The following DZIP3 variants were observed in gnomAD, a reference collection of about 807,000 sequenced individuals.
The protein encoded by DZIP3 is DAZ interacting zinc finger protein 3, also known as E3 ubiquitin-protein ligase DZIP3.
A neutral mutation model predicts 162.0 loss-of-function variants in DZIP3; 118 were observed. The ratio of observed to expected loss-of-function variants is 0.73; its 90% CI spans 0.63 to 0.85. DZIP3 has a LOEUF of 0.85. DZIP3 is among the 40% of genes least tolerant of loss of function. DZIP3 has a pLI of 0.00. For missense variants in DZIP3, 1,331 were observed against 1,407.0 expected, an observed-to-expected ratio of 0.95 and a Z score of 0.86; for synonymous variants, 438 against 458.6, an observed-to-expected ratio of 0.96 and a Z score of 0.57.
intron 15 of DZIP3, among the ~76,000 whole-genome samples, 193 bp downstream of exon 15, chr3:108,646,842 A>T (rs1023623365): frequency 8.5e-5 from 13 of 152,146 alleles, no homozygotes; most frequent in Admixed American, 7.2e-4. Context: ...GGAGATCGAG[A>T]CCATCTTGGC....
At chr3:108,607,422 T>C (rs1940444621) in intron 2 of DZIP3, among the ~76,000 whole-genome samples, 1 of 152,194 alleles carries the variant, frequency 6.6e-6, no homozygotes, top group South Asian at 2.1e-4. Context: ...AGAATTAACA[T>C]AGAATAAATC....
At chr3:108,621,070 C>T (rs1302862029) in intron 5 of DZIP3, among the ~76,000 whole-genome samples, 1 of 152,210 alleles carries the variant, frequency 6.6e-6, no homozygotes. Context: ...ATCTGCCTGC[C>T]TCGGCCTCCC....
chr3:108,683,215 A>G (rs532107367), intron 26 of DZIP3, among the ~76,000 whole-genome samples: 1 of 150,960 alleles, frequency 6.6e-6, no homozygotes, highest in East Asian at 1.9e-4. Flanking sequence ...GGATATAATC[A>G]TAACACCATT....
Position 108,644,305 on chromosome 3 carries a change from A to G in DZIP3, c.1283A>G (p.His428Arg). ...CTTTTGAAAAAAGAGCTTCTTATAC[A>G]CAAGAATGTGCTGGAATCCTACTAC... ...PPLLKKELLIHKNVLESYYNH... is the reference protein window; with the variant it reads ...PPLLKKELLIRKNVLESYYNH... The change falls in exon 14 of 33, where the codon CAC becomes CGC. Residue 428 changes from histidine to arginine, a missense_variant. Transcript: ENST00000361582. 1 of 1,614,052 alleles carries G rather than the reference A, an allele frequency of 6.2e-7. No homozygotes were observed. Among genetic ancestry groups the G allele is most frequent in the Non-Finnish European group, 8.5e-7 (1 of 1,179,964 alleles).
chr3:108,610,719 C>T (rs1392360857), intron 3 of DZIP3, among the ~76,000 whole-genome samples: 5 of 152,198 alleles, frequency 3.3e-5, no homozygotes, highest in Admixed American at 3.3e-4. Flanking sequence ...GATATTCCAG[C>T]AGGACTTGAT....
intron 1 of DZIP3, among the ~76,000 whole-genome samples, chr3:108,598,397 G>A (rs1233563266): frequency 1.3e-5 from 2 of 152,168 alleles, no homozygotes; most frequent in African/African-American, 4.8e-5. Flanking sequence ...GCATAGCTTA[G>A]AGCGTGGCAC....
chr3:108,658,951 A>G (rs973931784), intron 19 of DZIP3, among the ~76,000 whole-genome samples: 2 of 152,238 alleles, frequency 1.3e-5, no homozygotes, highest in African/African-American at 2.4e-5. Flanking sequence ...GAAGAAGTTG[A>G]ATCTCTGAAT....
intron 1 of DZIP3, among the ~76,000 whole-genome samples, chr3:108,590,500 C>A (rs1214425755): frequency 6.6e-6 from 1 of 152,148 alleles, no homozygotes; most frequent in African/African-American, 2.4e-5. Context: ...ATGTAAAAAT[C>A]TTTGGGTAGC....
intron 4 of DZIP3, among the ~76,000 whole-genome samples, chr3:108,612,738 G>A (rs1435047559): frequency 1.3e-5 from 2 of 151,914 alleles, no homozygotes; most frequent in East Asian, 3.9e-4. Context: ...TTGTTATACT[G>A]TATTGTCTTT....
chr3:108,620,552 T>C (rs749016319), intron 5 of DZIP3, among the ~76,000 whole-genome samples: 1 of 152,222 alleles, frequency 6.6e-6, no homozygotes, highest in Admixed American at 6.5e-5. Flanking sequence ...ATGTAACTAC[T>C]GCAATCAAGA....
rs1255642898 is a variant in DZIP3, at chr3:108,644,432, G to A, written c.1410G>A (p.Leu470=). 6.2e-7 allele frequency: 1 copy of A among 1,613,908 alleles called. No individual in the cohort carries two copies. The highest frequency in any genetic ancestry group is 1.3e-5 in the African/African-American group (1 of 74,914). Residue 470 remains leucine, a synonymous_variant, in exon 14 of 33, where the codon CTG becomes CTA. Coordinates refer to ENST00000361582, the MANE Select transcript of DZIP3 (RefSeq NM_014648.4). The part of the protein sequence containing the change: ...PQSKQFDLCL[L]LALIKHLNVF... ...CCAAACAGTTTGACTTATGCCTCCT[G>A]TTAGCTCTTATAAAACATTTAAATG... is the stretch of plus-strand genomic sequence containing the variant.
intron 25 of DZIP3, among the ~76,000 whole-genome samples, chr3:108,676,669 C>T (rs975946864): frequency 2.0e-5 from 3 of 150,884 alleles, no homozygotes; most frequent in Non-Finnish European, 4.4e-5. Flanking sequence ...GATATTTGTC[C>T]AACTCCCTTG....
intron 5 of DZIP3, among the ~76,000 whole-genome samples, chr3:108,623,584 T>G (rs1020415517): frequency 2.0e-5 from 3 of 152,136 alleles, no homozygotes; most frequent in African/African-American, 7.2e-5. Flanking sequence ...CTCCCAGACG[T>G]GTGAGTTGTT....
chr3:108,689,012 TGTC>T, intron 31 of DZIP3, 88 bp downstream of exon 31: 6 of 1,299,208 alleles, frequency 4.6e-6, no homozygotes, highest in Non-Finnish European at 6.6e-6. Flanking sequence ...TATCCATTGT[TGTC>T]TCACAAGTTC....
At chr3:108,647,913 G>C in intron 15 of DZIP3, 30 bp from the exon 16 acceptor site, 1 of 1,452,680 alleles carries the variant, frequency 6.9e-7, no homozygotes, top group Non-Finnish European at 9.1e-7. Context: ...CTTTCATCTA[G>C]ATTTTGAGAA....
intron 18 of DZIP3, among the ~76,000 whole-genome samples, chr3:108,653,406 AT>A (rs1942949327): frequency 6.6e-6 from 1 of 151,120 alleles, no homozygotes; most frequent in South Asian, 2.1e-4. Context: ...TAGGAAGGAA[AT>A]TTAGAGCTAC....
intron 5 of DZIP3, among the ~76,000 whole-genome samples, chr3:108,623,952 A>G (rs1311497701): frequency 6.6e-6 from 1 of 152,208 alleles, no homozygotes; most frequent in Non-Finnish European, 1.5e-5. Flanking sequence ...CCCCAAGCGC[A>G]GATTCTCTCT....
chr3:108,629,134 CAT>C lies in DZIP3; in HGVS notation c.656_657del (p.Ile219ArgfsTer6). 6.2e-7 allele frequency: 1 copy of C among 1,600,242 alleles called. No individual in the cohort carries two copies. Reference sequence around the variant, plus strand: ...GAGACAAAAATGACCATTGGTTTGACATAGATCCTACAGAAGATGAAGATTTA... The same window carrying C: ...GAGACAAAAATGACCATTGGTTTGACAGATCCTACAGAAGATGAAGATTTA... ...IGDKNDHWFD[I>X]DPTEDEDLPT... On this transcript the variant is annotated frameshift_variant, in exon 8 of 33. Transcript: ENST00000361582. LOFTEE classifies it high-confidence loss of function.
chr3:108,661,635 T>C (rs1305988781), intron 19 of DZIP3, among the ~76,000 whole-genome samples: 1 of 150,034 alleles, frequency 6.7e-6, no homozygotes, highest in Non-Finnish European at 1.5e-5. Flanking sequence ...TAAAGTATAA[T>C]AATTAAAAAA....
Sources: allele counts gnomAD v4.1 joint callset (sites outside exome capture counted in the v4.1 genomes callset), GRCh38; gene constraint gnomAD v4.1.1; transcripts MANE v1.5; gene names NCBI Gene and HGNC (gene_info 2026-07-23, HGNC 2026-07-21).